The following GAB2 variants were observed in gnomAD, a reference collection of about 807,000 sequenced individuals.
GAB2 encodes GRB2-associated-binding protein 2.
GAB2 carries 26 observed loss-of-function variants against 65.5 expected under a neutral mutation model. The observed-to-expected ratio is 0.40, with a 90% CI of 0.29 to 0.55. GAB2 has a LOEUF of 0.55. Among genes scored for constraint, GAB2 ranks in the 20% least tolerant of loss-of-function variants. The probability of loss-of-function intolerance (pLI) is 0.53; values close to 1 mark genes in which losing one functional copy is unlikely to be tolerated. For missense variants in GAB2, 884 were observed against 875.8 expected (o/e 1.01, Z -0.12); for synonymous variants, 321 against 329.6 (o/e 0.97, Z 0.28).
chr11:78,251,116 A>T (rs1207295140), intron 2 of GAB2, among the ~76,000 whole-genome samples: 2 of 84,006 alleles, frequency 2.4e-5, no homozygotes, highest in African/African-American at 7.4e-5. Context: ...TTGAAATTTA[A>T]AAAAAAAATG....
At chr11:78,341,513 T>A (rs550907206) in intron 1 of GAB2, among the ~76,000 whole-genome samples, 2 of 152,182 alleles carry the variant, frequency 1.3e-5, no homozygotes, top group Non-Finnish European at 2.9e-5. Context: ...GTCATCAAAT[T>A]GAGATGATGA....
At chr11:78,371,217 A>G (rs1173894958) in intron 1 of GAB2, among the ~76,000 whole-genome samples, 1 of 152,212 alleles carries the variant, frequency 6.6e-6, no homozygotes, top group African/African-American at 2.4e-5. Flanking sequence ...AACTTTAACT[A>G]TCATGTATTT....
chr11:78,266,444 A>C (rs1157907105), intron 2 of GAB2, among the ~76,000 whole-genome samples: 1 of 152,114 alleles, frequency 6.6e-6, no homozygotes, highest in Non-Finnish European at 1.5e-5. Flanking sequence ...GCACAAAAGA[A>C]GACAAACTTG....
At chr11:78,417,184 G>A (rs1409179919) in intron 1 of GAB2, among the ~76,000 whole-genome samples, 1 of 152,166 alleles carries the variant, frequency 6.6e-6, no homozygotes, top group African/African-American at 2.4e-5. Context: ...AGAAAGGGAA[G>A]GAGAGGGCGT....
At chr11:78,310,888 A>C (rs960419655) in intron 1 of GAB2, among the ~76,000 whole-genome samples, 8 of 152,186 alleles carry the variant, frequency 5.3e-5, no homozygotes, top group Non-Finnish European at 8.8e-5. Flanking sequence ...AAAAATAAGA[A>C]GACCCATTAG....
intron 3 of GAB2, among the ~76,000 whole-genome samples, chr11:78,246,670 T>G (rs1865306946): frequency 6.6e-6 from 1 of 152,130 alleles, no homozygotes; most frequent in African/African-American, 2.4e-5. Context: ...AGCTAATTTT[T>G]GTATTTTTAG....
chr11:78,379,895 A>T (rs570848937), intron 1 of GAB2, among the ~76,000 whole-genome samples: 167 of 152,378 alleles, frequency 1.1e-3, no homozygotes, highest in Non-Finnish European at 2.0e-3. Context: ...AGTAACCTGA[A>T]AGAAAAATTT....
intron 1 of GAB2, among the ~76,000 whole-genome samples, chr11:78,345,673 T>A (rs1856168688): frequency 6.6e-6 from 1 of 152,198 alleles, no homozygotes; most frequent in African/African-American, 2.4e-5. Flanking sequence ...TCAAAGAATG[T>A]ACCAGTTTGA....
chr11:78,220,948 G>A (rs116152539), intron 8 of GAB2, among the ~76,000 whole-genome samples: 2,389 of 152,242 alleles, frequency 0.016, 65 homozygotes, highest in African/African-American at 0.054. Flanking sequence ...CCTAGAGTGG[G>A]GTAGTCACCC....
At chr11:78,407,734 G>T (rs1430423053) in intron 1 of GAB2, among the ~76,000 whole-genome samples, 3 of 147,118 alleles carry the variant, frequency 2.0e-5, no homozygotes, top group Non-Finnish European at 4.5e-5. Flanking sequence ...AAGAAAGAAA[G>T]AAAGAAAGAA....
intron 8 of GAB2, among the ~76,000 whole-genome samples, chr11:78,220,740 T>C (rs1225962677): frequency 6.6e-6 from 1 of 152,228 alleles, no homozygotes. Flanking sequence ...GTCTGTTTTC[T>C]GACTTCCAAA....
chr11:78,228,110 G>A (rs1466418414), intron 3 of GAB2, among the ~76,000 whole-genome samples: 1 of 152,232 alleles, frequency 6.6e-6, no homozygotes, highest in African/African-American at 2.4e-5. Flanking sequence ...GTATCACCAA[G>A]CCTCCTCTCT....
intron 1 of GAB2, among the ~76,000 whole-genome samples, chr11:78,416,402 G>A (rs1458662622): frequency 2.0e-5 from 3 of 152,212 alleles, no homozygotes; most frequent in African/African-American, 7.2e-5. Flanking sequence ...GAGGCCAGAA[G>A]TCCCTTGATT....
chr11:78,251,040 C>T (rs1203389977), intron 2 of GAB2, among the ~76,000 whole-genome samples: 1 of 151,806 alleles, frequency 6.6e-6, no homozygotes. Context: ...GAAGGCCAAA[C>T]CTCAGCATTA....
chr11:78,365,447 C>A (rs1039723023), intron 1 of GAB2, among the ~76,000 whole-genome samples: 2 of 152,182 alleles, frequency 1.3e-5, no homozygotes, highest in South Asian at 2.1e-4. Flanking sequence ...GCTAATGCAG[C>A]GCCCTCCTCA....
At chr11:78,275,169 A>C (rs1167679024) in intron 2 of GAB2, among the ~76,000 whole-genome samples, 1 of 152,186 alleles carries the variant, frequency 6.6e-6, no homozygotes, top group Non-Finnish European at 1.5e-5. Context: ...AAAGGAAAGC[A>C]GTGTTGCATT....
intron 1 of GAB2, among the ~76,000 whole-genome samples, chr11:78,414,157 C>A (rs551875709): frequency 6.6e-6 from 1 of 151,400 alleles, no homozygotes; most frequent in African/African-American, 2.4e-5. Context: ...AAAATGTGGC[C>A]ATTCATCGTA....
chr11:78,373,069 G>A (rs1437443341), intron 1 of GAB2, among the ~76,000 whole-genome samples: 1 of 152,080 alleles, frequency 6.6e-6, no homozygotes, highest in African/African-American at 2.4e-5. Flanking sequence ...AATCTTGGTA[G>A]ATACACTGAG....
intron 1 of GAB2, chr11:78,341,947 T>C (rs971737814): frequency 4.1e-5 from 37 of 911,604 alleles, no homozygotes; most frequent in Middle Eastern, 5.6e-4. Flanking sequence ...TCCACCAGCC[T>C]GTGTGGAAGG....
Sources: gnomAD v4.1 joint callset for allele counts (sites outside exome capture counted in the v4.1 genomes callset) on GRCh38, gnomAD v4.1.1 for gene constraint, MANE v1.5 for transcripts, NCBI Gene and HGNC (gene_info 2026-07-23, HGNC 2026-07-21) for gene names.